BCAS3: variants seen among roughly 807,000 people sequenced by gnomAD.
BCAS3 encodes the protein BCAS3 microtubule associated cell migration factor.
BCAS3 carries 53 observed loss-of-function variants against 116.1 expected under a neutral mutation model. That is an observed-to-expected ratio of 0.46 (90% CI 0.37 to 0.57). BCAS3 has a LOEUF of 0.57. Among genes scored for constraint, BCAS3 ranks in the 20% least tolerant of loss-of-function variants. The pLI, the probability that BCAS3 is intolerant of heterozygous loss-of-function variation, is 0.00. For missense variants in BCAS3, 917 were observed against 1,165.4 expected (o/e 0.79, Z 3.10); for synonymous variants, 391 against 408.2 (o/e 0.96, Z 0.51).
At chr17:60,933,291 TAAGG>T (rs902113431) in intron 13 of BCAS3, among the ~76,000 whole-genome samples, 8 of 152,196 alleles carry the variant, frequency 5.3e-5, no homozygotes, top group African/African-American at 1.9e-4. Flanking sequence ...GTTAGAAACA[TAAGG>T]AAGAAATCCT....
intron 18 of BCAS3, among the ~76,000 whole-genome samples, chr17:61,038,499 C>A (rs997912199): frequency 7.9e-5 from 12 of 151,916 alleles, no homozygotes; most frequent in Admixed American, 7.2e-4. Flanking sequence ...GTGATCTGCC[C>A]GCCTCAGCCT....
rs761069193 is a variant in BCAS3, at chr17:60,868,675, C to T, written c.576C>T (p.Cys192=). The T allele has an allele frequency of 1.0e-5, 16 of 1,572,746 alleles. No individual in the cohort carries two copies. The highest frequency in any genetic ancestry group is 1.7e-4 in the Middle Eastern group (1 of 5,930). The stretch of plus-strand genomic sequence containing the variant: ...AGACACCTATTTATGATCTCCATTG[C>T]AATAAACGGTAAGGATTTTTTCATG... ...QFKTPIYDLH[C]NKRILVVVLQ... is the part of the protein sequence containing the mutation. Residue 192 remains cysteine (C), a synonymous_variant, in exon 8 of 24, where the codon TGC becomes TGT. Coordinates refer to ENST00000407086, the MANE Select transcript of BCAS3 (RefSeq NM_017679.5).
chr17:61,320,808 A>G (rs1371195699), intron 22 of BCAS3, among the ~76,000 whole-genome samples: 2 of 152,068 alleles, frequency 1.3e-5, no homozygotes, highest in Non-Finnish European at 2.9e-5. Context: ...CTTTGGATGT[A>G]TGTTTCATAT....
In BCAS3 at chr17:61,196,925, T is replaced by C. The variant is rs887298011; in HGVS notation, c.2425+112361T>C. ...CCTGTTTACATCTCCCAAACACTTA[T>C]GTAGAACATTCAATGCTAGAGAAGA... On this transcript the variant is annotated intron_variant, in intron 22 of 23. Transcript: ENST00000407086. The surrounding 1 kb of genome is among the most constrained non-coding windows in gnomAD (Gnocchi z 4.7). 3.9e-5 allele frequency among the ~76,000 whole-genome samples: 6 copies of C among 152,224 alleles called. No homozygotes were observed. The highest frequency in any genetic ancestry group is 9.6e-5 in the African/African-American group (4 of 41,464).
At chr17:61,240,478 C>T (rs1331528499) in intron 22 of BCAS3, among the ~76,000 whole-genome samples, 4 of 152,048 alleles carry the variant, frequency 2.6e-5, no homozygotes, top group Non-Finnish European at 4.4e-5. Flanking sequence ...TGGTGAAACC[C>T]CATCTCTACT....
chr17:60,996,952 G>A (rs1352328853), intron 15 of BCAS3, among the ~76,000 whole-genome samples: 2 of 152,186 alleles, frequency 1.3e-5, no homozygotes, highest in African/African-American at 4.8e-5. Flanking sequence ...ATGTAGAAGT[G>A]TGATCCCCAA....
chr17:61,210,806 T>C (rs2144331596), intron 22 of BCAS3, among the ~76,000 whole-genome samples: 1 of 152,296 alleles, frequency 6.6e-6, no homozygotes, highest in Non-Finnish European at 1.5e-5. Context: ...TCATAGCCAG[T>C]TGTGCTGCAG....
intron 22 of BCAS3, among the ~76,000 whole-genome samples, chr17:61,201,326 T>C (rs1049343709): frequency 6.6e-6 from 1 of 152,234 alleles, no homozygotes; most frequent in Non-Finnish European, 1.5e-5. Flanking sequence ...GTATTTGTTG[T>C]GAATTTGTTT....
rs1464230683 is a variant in BCAS3, at chr17:61,307,910, C to T, written c.2426-60417C>T. 6.6e-6 allele frequency among the ~76,000 whole-genome samples: 1 copy of T among 151,568 alleles called. No individual in the cohort carries two copies. The highest frequency in any genetic ancestry group is 6.6e-5 in the Admixed American group (1 of 15,242). On this transcript the variant is annotated intron_variant, in intron 22 of 23. Coordinates refer to ENST00000407086, the MANE Select transcript of BCAS3 (RefSeq NM_017679.5). The surrounding 1 kb of genome is among the most constrained non-coding windows in gnomAD (Gnocchi z 4.7). ...CACAAATAATGTTACGTGAGCAACC[C>T]CAAACAGTATACACCTTGACAATGT...
chr17:60,968,077 T>C (rs2061754135), intron 14 of BCAS3, among the ~76,000 whole-genome samples: 1 of 152,204 alleles, frequency 6.6e-6, no homozygotes, highest in Non-Finnish European at 1.5e-5. Flanking sequence ...GGAGTTTTGC[T>C]TTGTCCATTG....
chr17:60,745,007 G>A (rs73334335), intron 5 of BCAS3, among the ~76,000 whole-genome samples: 6,658 of 152,154 alleles, frequency 0.044, 537 homozygotes, highest in African/African-American at 0.15. Context: ...AGTATGCTAA[G>A]ACAGATTTGT....
intron 6 of BCAS3, among the ~76,000 whole-genome samples, chr17:60,779,992 ATT>A (rs531877992): frequency 2.8e-5 from 4 of 143,910 alleles, no homozygotes; most frequent in African/African-American, 2.5e-5. Context: ...ACTATTTTTA[ATT>A]TTTTTTTTTT....
At chr17:60,733,119 A>G (rs1003699447) in intron 5 of BCAS3, among the ~76,000 whole-genome samples, 1 of 152,228 alleles carries the variant, frequency 6.6e-6, no homozygotes, top group Admixed American at 6.5e-5. Context: ...ATACAATTAT[A>G]CATTTAACAA....
rs536510907 is a variant in BCAS3 at position 61,256,918 on chromosome 17, T to C, written c.2426-111409T>C. On this transcript the variant is annotated intron_variant, in intron 22 of 23. Coordinates refer to ENST00000407086, the MANE Select transcript of BCAS3 (RefSeq NM_017679.5). This position sits in a 1 kb window ranked among gnomAD's most constrained non-coding sequence, Gnocchi z 5.6. Reference sequence around the variant, plus strand: ...ATAAATAAGTCTCTGAGTAATTCCTTGGAGGTGAACCTAGGTTCTCTTTGA... The same window carrying C: ...ATAAATAAGTCTCTGAGTAATTCCTCGGAGGTGAACCTAGGTTCTCTTTGA... Among the ~76,000 whole-genome samples the C allele has an allele frequency of 6.6e-6, 1 of 152,240 alleles. No homozygotes were observed. The highest frequency in any genetic ancestry group is 1.9e-4 in the East Asian group (1 of 5,174).
intron 22 of BCAS3, among the ~76,000 whole-genome samples, chr17:61,195,289 A>G (rs2080409982): frequency 6.6e-6 from 1 of 152,218 alleles, no homozygotes; most frequent in Non-Finnish European, 1.5e-5. Flanking sequence ...TCCAGGATAA[A>G]TCATCCTTAA....
chr17:60,934,918 G>C (rs1435584936), intron 13 of BCAS3, among the ~76,000 whole-genome samples: 3 of 152,084 alleles, frequency 2.0e-5, no homozygotes, highest in Admixed American at 1.3e-4. Context: ...TAGCACTTTG[G>C]GAAGCCAAGG....
At chr17:60,963,997 T>G (rs1042334524) in intron 14 of BCAS3, among the ~76,000 whole-genome samples, 2 of 152,230 alleles carry the variant, frequency 1.3e-5, no homozygotes, top group African/African-American at 4.8e-5. Context: ...TGATTTGAAT[T>G]CTTCCTTTCC....
At position 60,802,371 on chromosome 17, in the gene BCAS3, C is replaced by CATACATACATATAT. The variant is rs1555724685; in HGVS notation, c.404-5630_404-5629insCATACATATATATA. On this transcript the variant is annotated intron_variant, in intron 6 of 23. Transcript: ENST00000407086. ...ATACACACACATACATACATACATA[C>CATACATACATATAT]ATATATATATATATATATCCCCTTG... 1.2e-3 allele frequency among the ~76,000 whole-genome samples: 133 copies of CATACATACATATAT among 111,942 alleles called. 1 individual carries two copies. The highest frequency in any genetic ancestry group is 4.8e-3 in the African/African-American group (129 of 26,620). The allele number at this position is 111,942 out of a possible 152,430, so 73.4% of individuals were successfully genotyped here. A position where few individuals can be genotyped will look rare whatever the true frequency, so the allele number is the denominator to read the frequency against.
intron 7 of BCAS3, among the ~76,000 whole-genome samples, chr17:60,831,532 G>A (rs1156894932): frequency 1.3e-5 from 2 of 152,170 alleles, no homozygotes; most frequent in Non-Finnish European, 2.9e-5. Context: ...AACAATTGTT[G>A]TGACAAGTGG....
Sources: allele counts gnomAD v4.1 joint callset (sites outside exome capture counted in the v4.1 genomes callset), GRCh38; gene constraint gnomAD v4.1.1; non-coding constraint Gnocchi (gnomAD v3.1); transcripts MANE v1.5; gene names NCBI Gene and HGNC (gene_info 2026-07-23, HGNC 2026-07-21).